The following NBEA variants were observed in gnomAD, a reference collection of about 807,000 sequenced individuals.
NBEA encodes neurobeachin.
A neutral mutation model predicts 343.4 loss-of-function variants in NBEA; 44 were observed. The ratio of observed to expected loss-of-function variants is 0.13; its 90% CI spans 0.10 to 0.16. NBEA has a LOEUF of 0.16. Ranked by LOEUF, NBEA falls within the 10% of genes least tolerant of loss-of-function variation. The pLI, the probability that NBEA is intolerant of heterozygous loss-of-function variation, is 1.00. For missense variants in NBEA, 2,555 were observed against 3,631.3 expected (o/e 0.70, Z 7.62); for synonymous variants, 1,175 against 1,238.7 (o/e 0.95, Z 1.08).
intron 41 of NBEA, 82 bp downstream of exon 41, chr13:35,472,618 A>C: frequency 6.9e-7 from 1 of 1,440,066 alleles, no homozygotes; most frequent in South Asian, 1.2e-5. Context: ...TTTACCTGAC[A>C]GTGGAGGAGG....
intron 40 of NBEA, among the ~76,000 whole-genome samples, chr13:35,467,000 C>G (rs747329787): frequency 1.1e-4 from 17 of 152,040 alleles, no homozygotes; most frequent in Non-Finnish European, 2.2e-4. Context: ...GAACTTCCCC[C>G]CTCCATGCAC....
intron 49 of NBEA, among the ~76,000 whole-genome samples, chr13:35,645,068 C>T (rs2084159926): frequency 6.6e-6 from 1 of 152,130 alleles, no homozygotes; most frequent in South Asian, 2.1e-4. Context: ...TATTGATAAA[C>T]ATTTTCTTGA....
intron 16 of NBEA, among the ~76,000 whole-genome samples, chr13:35,118,983 A>G (rs1226759980): frequency 6.6e-6 from 1 of 152,114 alleles, no homozygotes; most frequent in African/African-American, 2.4e-5. Context: ...TTGAAGGACA[A>G]ACTGATGTAG....
intron 35 of NBEA, among the ~76,000 whole-genome samples, chr13:35,303,301 C>G (rs1432467717): frequency 1.3e-5 from 2 of 152,094 alleles, no homozygotes; most frequent in African/African-American, 4.8e-5. Flanking sequence ...TTACCAGTCA[C>G]CTGGTTTCAT....
At chr13:35,391,988 C>T (rs2042521950) in intron 38 of NBEA, among the ~76,000 whole-genome samples, 2 of 151,964 alleles carry the variant, frequency 1.3e-5, no homozygotes, top group Admixed American at 1.3e-4. Flanking sequence ...TGAGTTTGAT[C>T]AATAGTGGAG....
intron 36 of NBEA, among the ~76,000 whole-genome samples, chr13:35,317,601 T>C (rs2152837938): frequency 6.6e-6 from 1 of 152,326 alleles, no homozygotes; most frequent in African/African-American, 2.4e-5. Flanking sequence ...CTTTTTTGGT[T>C]CCATATTAAA....
intron 18 of NBEA, among the ~76,000 whole-genome samples, chr13:35,146,585 G>A (rs2068441727): frequency 6.6e-6 from 1 of 151,964 alleles, no homozygotes. Flanking sequence ...GTGAGGACAG[G>A]GTCTGGTTGG....
chr13:35,021,692 A>G (rs1329552031), intron 1 of NBEA, among the ~76,000 whole-genome samples: 3 of 152,044 alleles, frequency 2.0e-5, no homozygotes, highest in African/African-American at 7.2e-5. Context: ...GTGCTCTCTA[A>G]CTTAAAAGTA....
At chr13:35,424,825 A>G (rs1451725946) in intron 38 of NBEA, among the ~76,000 whole-genome samples, 1 of 152,126 alleles carries the variant, frequency 6.6e-6, no homozygotes, top group Non-Finnish European at 1.5e-5. Flanking sequence ...CCTCAATTTC[A>G]GAGCCTGTTG....
intron 33 of NBEA, among the ~76,000 whole-genome samples, chr13:35,213,190 C>T (rs191450158): frequency 2.6e-5 from 4 of 152,058 alleles, no homozygotes; most frequent in East Asian, 1.9e-4. Flanking sequence ...AATAGGTATA[C>T]GAAGATGACC....
intron 39 of NBEA, among the ~76,000 whole-genome samples, chr13:35,447,609 T>C (rs1292295637): frequency 1.3e-5 from 2 of 152,134 alleles, no homozygotes; most frequent in Non-Finnish European, 2.9e-5. Flanking sequence ...GAGCTATAAT[T>C]CAGTGGCATT....
intron 10 of NBEA, among the ~76,000 whole-genome samples, chr13:35,097,996 A>C (rs142209900): frequency 8.5e-5 from 13 of 152,224 alleles, no homozygotes; most frequent in African/African-American, 3.1e-4. Context: ...TCTTAGGTTT[A>C]CTTGAAGCCA....
At chr13:35,527,641 G>A (rs2078045854) in intron 41 of NBEA, among the ~76,000 whole-genome samples, 1 of 152,214 alleles carries the variant, frequency 6.6e-6, no homozygotes, top group African/African-American at 2.4e-5. Context: ...CTCAGCCACA[G>A]CCTTGTACTG....
chr13:34,983,627 C>T (rs1489283376), intron 1 of NBEA, among the ~76,000 whole-genome samples: 1 of 152,184 alleles, frequency 6.6e-6, no homozygotes, highest in African/African-American at 2.4e-5. Context: ...AACTAGTTTA[C>T]ACTCTCACCA....
At chr13:35,561,536 A>T (rs956368372) in intron 44 of NBEA, among the ~76,000 whole-genome samples, 2 of 152,176 alleles carry the variant, frequency 1.3e-5, no homozygotes, top group Non-Finnish European at 2.9e-5. Context: ...ACACTCTCAG[A>T]TTTATCTTTT....
intron 35 of NBEA, among the ~76,000 whole-genome samples, chr13:35,308,625 C>T (rs2037147811): frequency 1.0e-5 from 1 of 95,488 alleles, no homozygotes; most frequent in Non-Finnish European, 2.1e-5. Context: ...TATATGCACA[C>T]ACACACACAG....
Position 35,573,309 on chromosome 13 carries a change from G to C in NBEA, c.7035+6292G>C, listed in dbSNP as rs991578688. Among the ~76,000 whole-genome samples, 10 of 152,214 alleles carry C rather than the reference G, an allele frequency of 6.6e-5. No individual in the cohort carries two copies. In the South Asian group the frequency reaches 2.1e-3, roughly 32 times the overall value. ...CCAACCTACTCTGTGCCAGACACTG[G>C]AGATACAAAGGCAATAAGACTTAGT... On this transcript the variant is annotated intron_variant, in intron 45 of 58. Transcript: ENST00000379939.
chr13:35,620,383 C>A (rs9544845), intron 48 of NBEA, among the ~76,000 whole-genome samples: 66,423 of 151,496 alleles, frequency 0.44, 14,843 homozygotes, highest in East Asian at 0.56. Flanking sequence ...AAGTGACTCT[C>A]TTGGGGAAAG....
chr13:35,123,969 A>G (rs182512772), intron 17 of NBEA, among the ~76,000 whole-genome samples: 1 of 152,176 alleles, frequency 6.6e-6, no homozygotes, highest in Non-Finnish European at 1.5e-5. Context: ...CTGAGTCAGT[A>G]TTTGTTATTA....
Sources: allele counts gnomAD v4.1 joint callset (sites outside exome capture counted in the v4.1 genomes callset), GRCh38; gene constraint gnomAD v4.1.1; transcripts MANE v1.5; gene names NCBI Gene and HGNC (gene_info 2026-07-23, HGNC 2026-07-21).